Variants in MECOM observed in about 807,000 individuals in gnomAD.
MECOM encodes the protein histone-lysine N-methyltransferase MECOM.
In MECOM, 13 loss-of-function variants were observed where a neutral mutation model predicts 116.3. That is an observed-to-expected ratio of 0.11 (90% confidence interval 0.07 to 0.18). The LOEUF is 0.18. Ranked by LOEUF, MECOM falls within the 10% of genes least tolerant of loss-of-function variation. The pLI, the probability that MECOM is intolerant of heterozygous loss-of-function variation, is 1.00. For synonymous variants in MECOM, 528 were observed against 535.2 expected (o/e 0.99, Z 0.19); for missense variants, 1,299 against 1,509.0 (o/e 0.86, Z 2.31).
Position 169,183,761 on chromosome 3 carries a change from TACACACACACACACACACACAC to T in MECOM, c.376-39951_376-39930del, listed in dbSNP as rs71166249. Among the ~76,000 whole-genome samples, 292 of 118,776 alleles carry T rather than the reference TACACACACACACACACACACAC, an allele frequency of 2.5e-3. 3 individuals are homozygous for T. Among genetic ancestry groups the T allele is most frequent in the African/African-American group, 7.0e-3 (232 of 33,056 alleles). 77.9% of individuals were successfully genotyped at this position (118,776 alleles called of 152,430 possible). A position where few individuals can be genotyped will look rare whatever the true frequency, so the allele number is the denominator to read the frequency against. Reference sequence around the variant, plus strand: ...TTAAGGACTGTAGAAGATACATACATACACACACACACACACACACACACACACACACACACACACACACACA... The same window carrying T: ...TTAAGGACTGTAGAAGATACATACATACACACACACACACACACACACACA... On this transcript the variant is annotated intron_variant, in intron 2 of 16. Coordinates refer to ENST00000651503, the MANE Select transcript of MECOM (RefSeq NM_004991.4).
intron 2 of MECOM, among the ~76,000 whole-genome samples, chr3:169,224,867 C>T (rs1320202067): frequency 5.3e-5 from 8 of 152,094 alleles, no homozygotes; most frequent in East Asian, 1.9e-4. Context: ...CGAGCATAAA[C>T]GAAGGATACA....
At chr3:169,114,405 T>C (rs1238956885) in intron 8 of MECOM, among the ~76,000 whole-genome samples, 3 of 152,148 alleles carry the variant, frequency 2.0e-5, no homozygotes, top group African/African-American at 7.2e-5. Flanking sequence ...AGAAGAAGAA[T>C]TGTAAGTGAG....
intron 1 of MECOM, among the ~76,000 whole-genome samples, chr3:169,496,821 G>C (rs1017027537): frequency 5.3e-5 from 8 of 152,106 alleles, no homozygotes; most frequent in Non-Finnish European, 8.8e-5. Flanking sequence ...GCTCTTTCTT[G>C]ATTCTATTTT....
intron 9 of MECOM, 58 bp from the exon 10 acceptor site, chr3:169,108,010 C>T: frequency 2.1e-6 from 3 of 1,416,018 alleles, no homozygotes; most frequent in Non-Finnish European, 3.0e-6. Context: ...ATCTTTATTG[C>T]AATCTATCCT....
chr3:169,580,859 G>A (rs928055097), intron 1 of MECOM, among the ~76,000 whole-genome samples: 1 of 152,122 alleles, frequency 6.6e-6, no homozygotes, highest in African/African-American at 2.4e-5. Flanking sequence ...TTTGCAAAAT[G>A]TCGTATTGAC....
At chr3:169,640,119 G>A (rs1027380595) in intron 1 of MECOM, among the ~76,000 whole-genome samples, 2 of 152,088 alleles carry the variant, frequency 1.3e-5, no homozygotes, top group Non-Finnish European at 2.9e-5. Context: ...AAGAGACGTA[G>A]TGAATATTTG....
chr3:169,187,461 C>T (rs1413548548), intron 2 of MECOM, among the ~76,000 whole-genome samples: 1 of 152,038 alleles, frequency 6.6e-6, no homozygotes, highest in Non-Finnish European at 1.5e-5. Context: ...AAATTTTCTT[C>T]CATTGGAAAC....
At chr3:169,423,103 A>T (rs766660319) in intron 1 of MECOM, among the ~76,000 whole-genome samples, 18 of 152,134 alleles carry the variant, frequency 1.2e-4, no homozygotes, top group Middle Eastern at 6.8e-3. Flanking sequence ...ATCTAGGTGA[A>T]CCCTGAGATT....
intron 1 of MECOM, among the ~76,000 whole-genome samples, chr3:169,557,875 T>A (rs890477657): frequency 6.6e-6 from 1 of 152,184 alleles, no homozygotes; most frequent in Non-Finnish European, 1.5e-5. Flanking sequence ...ATTTCTTACA[T>A]AAAAATATTA....
At chr3:169,241,739 T>C (rs1477118928) in intron 2 of MECOM, among the ~76,000 whole-genome samples, 2 of 152,116 alleles carry the variant, frequency 1.3e-5, no homozygotes, top group African/African-American at 2.4e-5. Flanking sequence ...AGGAAAGAAA[T>C]GTTGAACAGG....
chr3:169,174,198 AT>A (rs1358492989), intron 2 of MECOM, among the ~76,000 whole-genome samples: 2 of 152,188 alleles, frequency 1.3e-5, no homozygotes, highest in Non-Finnish European at 2.9e-5. Context: ...AAATGTATCT[AT>A]TCATGTATAT....
intron 1 of MECOM, among the ~76,000 whole-genome samples, chr3:169,426,731 T>C (rs1195316280): frequency 6.6e-6 from 1 of 152,234 alleles, no homozygotes; most frequent in Non-Finnish European, 1.5e-5. Flanking sequence ...TTAATTGAGC[T>C]GCACGTGGAG....
At chr3:169,628,155 A>G (rs1408797448) in intron 1 of MECOM, among the ~76,000 whole-genome samples, 4 of 152,216 alleles carry the variant, frequency 2.6e-5, no homozygotes, top group African/African-American at 9.6e-5. Flanking sequence ...TCTCTGAGCC[A>G]GGAATTCCCA....
intron 2 of MECOM, among the ~76,000 whole-genome samples, chr3:169,295,712 T>C (rs1577623841): frequency 6.6e-6 from 1 of 152,184 alleles, no homozygotes; most frequent in East Asian, 1.9e-4. Context: ...CTCCTTAAAG[T>C]CAACATAAAT....
chr3:169,649,074 G>A (rs898847158), intron 1 of MECOM, among the ~76,000 whole-genome samples: 1 of 152,176 alleles, frequency 6.6e-6, no homozygotes, highest in Non-Finnish European at 1.5e-5. Flanking sequence ...TCTATAAAGT[G>A]TTTATGGGCT....
chr3:169,129,098 T>C (rs543205524), intron 4 of MECOM, among the ~76,000 whole-genome samples: 8 of 152,280 alleles, frequency 5.3e-5, no homozygotes, highest in African/African-American at 1.9e-4. Flanking sequence ...AAGAATTCTT[T>C]TAGTCAAGTA....
rs796614214 is a variant in MECOM, at chr3:169,655,293, T to TA, written c.37+8042dup. ...AAAATAGGAGAGAGCTTAAGGCTTA[T>TA]ACCCACCTTGCTTCACTCATTTATG... On this transcript the variant is annotated intron_variant, in intron 1 of 16. Coordinates refer to ENST00000651503, the MANE Select transcript of MECOM (RefSeq NM_004991.4). Among the ~76,000 whole-genome samples, 4 of 152,334 alleles carry TA rather than the reference T, an allele frequency of 2.6e-5. No individual in the cohort carries two copies. The South Asian group carries it at 8.3e-4, about 32-fold the overall frequency.
At chr3:169,650,176 AAGAT>A (rs1774706549) in intron 1 of MECOM, among the ~76,000 whole-genome samples, 1 of 152,262 alleles carries the variant, frequency 6.6e-6, no homozygotes, top group South Asian at 2.1e-4. Flanking sequence ...TTAAAAGTAA[AAGAT>A]AGTTTCCATT....
At chr3:169,187,893 G>T (rs1746987074) in intron 2 of MECOM, among the ~76,000 whole-genome samples, 1 of 152,114 alleles carries the variant, frequency 6.6e-6, no homozygotes, top group South Asian at 2.1e-4. Context: ...CACTGGGGCT[G>T]TCTAACTTGT....
Sources: allele counts gnomAD v4.1 joint callset (sites outside exome capture counted in the v4.1 genomes callset), GRCh38; gene constraint gnomAD v4.1.1; transcripts MANE v1.5; gene names NCBI Gene and HGNC (gene_info 2026-07-23, HGNC 2026-07-21).